TAS1R1: variants seen among roughly 807,000 people sequenced by gnomAD.
TAS1R1 encodes taste 1 receptor member 1, also known as taste receptor type 1 member 1.
A neutral mutation model predicts 45.8 loss-of-function variants in TAS1R1; 31 were observed. That is an observed-to-expected ratio of 0.68 (90% confidence interval 0.51 to 0.91). The LOEUF (loss-of-function observed/expected upper bound fraction) is 0.91, where lower values mean the gene tolerates loss of function less well. TAS1R1 is among the 40% of genes least tolerant of loss of function. The probability of loss-of-function intolerance (pLI) is 0.00; values close to 1 mark genes in which losing one functional copy is unlikely to be tolerated. For missense variants in TAS1R1, 1,051 were observed against 1,063.9 expected (o/e 0.99, Z 0.17); for synonymous variants, 437 against 448.4 (o/e 0.97, Z 0.32).
At chr1:6,560,030 T>C (rs1252774733) in intron 1 of TAS1R1, among the ~76,000 whole-genome samples, 1 of 142,354 alleles carries the variant, frequency 7.0e-6, no homozygotes, top group African/African-American at 2.6e-5. Flanking sequence ...CGGGTGCTAA[T>C]GGCTCACTGT....
Position 6,576,470 on chromosome 1 carries a change from T to A in TAS1R1, c.1316T>A (p.Phe439Tyr). The change falls in exon 4 of 6, where the codon TTT becomes TAT. Residue 439 changes from phenylalanine to tyrosine, a missense_variant. Coordinates refer to ENST00000333172, the MANE Select transcript of TAS1R1 (RefSeq NM_138697.4). ...HFLLHKDTVA[F>Y]NDNRDPLSSY... The stretch of plus-strand genomic sequence containing the variant: ...CTTCTACACAAGGACACTGTGGCGT[T>A]TAATGACAACAGAGATCCCCTCAGT... 6.2e-7 allele frequency: 1 copy of A among 1,614,194 alleles called. No homozygotes were observed. The highest frequency in any genetic ancestry group is 8.5e-7 in the Non-Finnish European group (1 of 1,180,036).
At position 6,578,859 on chromosome 1, in the gene TAS1R1, GGGGGCCGC is replaced by G. The variant is rs1313635065; in HGVS notation, c.1802_1809del (p.Gly601AlafsTer13). The stretch of plus-strand genomic sequence containing the variant: ...AGACACCCCTGTGGTGAGGTCAGCA[GGGGGCCGC>G]CTGTGCTTTCTTATGCTGGGCTCCC... On this transcript the variant is annotated frameshift_variant, in exon 6 of 6. Coordinates refer to ENST00000333172, the MANE Select transcript of TAS1R1 (RefSeq NM_138697.4). LOFTEE classifies it low-confidence loss of function (END_TRUNC). 6.2e-7 allele frequency: 1 copy of G among 1,609,580 alleles called. No individual in the cohort carries two copies. The highest frequency in any genetic ancestry group is 8.5e-7 in the Non-Finnish European group (1 of 1,176,782).
chr1:6,579,054 G>T lies in TAS1R1; in HGVS notation c.1996G>T (p.Val666Leu), dbSNP rs771816884. The T allele has an allele frequency of 1.2e-6, 2 of 1,613,144 alleles. No homozygotes were observed. Among genetic ancestry groups the T allele is most frequent in the South Asian group, 1.1e-5 (1 of 91,060 alleles). Residue 666 changes from valine to leucine, a missense_variant, in exon 6 of 6, where the codon GTA (valine) becomes TTA (leucine). Transcript: ENST00000333172. ...CATCATCTTCAAGTTTTCCACCAAG[G>T]TACCTACATTCTACCACGCCTGGGT... ...LIIIFKFSTK[V>L]PTFYHAWVQN...
rs745439007 is a variant in TAS1R1 at position 6,578,782 on chromosome 1, CGCTGCTGCT to C, written c.1737_1745del (p.Leu580_Leu582del). ...TCTTGGGTGCTGCTGGCAGCTAACA[CGCTGCTGCT>C]GCTGCTGCTGCTTGGGACTGCTGGC... On this transcript the variant is annotated inframe_deletion, in exon 6 of 6. Coordinates refer to ENST00000333172, the MANE Select transcript of TAS1R1 (RefSeq NM_138697.4). 1.2e-5 allele frequency: 20 copies of C among 1,612,436 alleles called. No individual in the cohort carries two copies. The highest frequency in any genetic ancestry group is 2.7e-5 in the African/African-American group (2 of 74,890).
At chr1:6,571,938 T>A (rs959675296) in intron 2 of TAS1R1, among the ~76,000 whole-genome samples, 1 of 152,176 alleles carries the variant, frequency 6.6e-6, no homozygotes, top group Non-Finnish European at 1.5e-5. Context: ...GGTGCTGACA[T>A]GCCTCACCTT....
chr1:6,555,873 T>TTTTTTTC, intron 1 of TAS1R1, among the ~76,000 whole-genome samples: 1 of 84,828 alleles, frequency 1.2e-5, no homozygotes, highest in Admixed American at 1.1e-4. Context: ...CTTCTTTTTT[T>TTTTTTTC]TTTTTTTTTT....
At chr1:6,570,387 G>T (rs1284933957) in intron 1 of TAS1R1, among the ~76,000 whole-genome samples, 1 of 150,616 alleles carries the variant, frequency 6.6e-6, no homozygotes, top group Non-Finnish European at 1.5e-5. Context: ...AAAACAAAGC[G>T]AGGGGAACAT....
rs770720149 is a variant in TAS1R1 at position 6,576,545 on chromosome 1, C to T, written c.1391C>T (p.Thr464Met). ...TGGAATGGACCCAAGTGGACCTTCA[C>T]GGTCCTCGGTTCCTCCACATGGTCT... ...WDWNGPKWTF[T>M]VLGSSTWSPV... The change falls in exon 4 of 6, where the codon ACG becomes ATG. Residue 464 changes from threonine (T) to methionine (M), a missense_variant. Coordinates refer to ENST00000333172, the MANE Select transcript of TAS1R1 (RefSeq NM_138697.4). The T allele has an allele frequency of 1.5e-4, 249 of 1,614,148 alleles. No individual in the cohort carries two copies. The highest frequency in any genetic ancestry group is 2.0e-4 in the Non-Finnish European group (238 of 1,180,054).
At position 6,579,684 on chromosome 1, in the gene TAS1R1, G is replaced by A; in HGVS notation, c.*100G>A. 6.8e-7 allele frequency: 1 copy of A among 1,475,396 alleles called. No individual in the cohort carries two copies. Among genetic ancestry groups the A allele is most frequent in the Non-Finnish European group, 8.9e-7 (1 of 1,118,998 alleles). 91.4% of individuals were successfully genotyped at this position (1,475,396 alleles called of 1,614,324 possible). A position where few individuals can be genotyped will look rare whatever the true frequency, so the allele number is the denominator to read the frequency against. On this transcript the variant is annotated 3_prime_UTR_variant, in exon 6 of 6. Coordinates refer to ENST00000333172, the MANE Select transcript of TAS1R1 (RefSeq NM_138697.4). ...GGGAGGTCTTTGGGCATCGCGGTCTGGGGTTGGGACGTGTAAGCGCCTGGG... is the reference window on the plus strand; with the variant it reads ...GGGAGGTCTTTGGGCATCGCGGTCTAGGGTTGGGACGTGTAAGCGCCTGGG...
intron 1 of TAS1R1, among the ~76,000 whole-genome samples, chr1:6,566,819 T>C (rs1390198365): frequency 6.6e-6 from 1 of 152,164 alleles, no homozygotes; most frequent in Non-Finnish European, 1.5e-5. Context: ...ATGGTCTTGA[T>C]CTCCTGACCT....
At chr1:6,564,844 C>T (rs1334968561) in intron 1 of TAS1R1, among the ~76,000 whole-genome samples, 1 of 152,172 alleles carries the variant, frequency 6.6e-6, no homozygotes, top group African/African-American at 2.4e-5. Context: ...GTCCTCTTGA[C>T]GGGAGGCAAG....
rs563392776 is a variant in TAS1R1 at position 6,575,067 on chromosome 1, T to C, written c.935T>C (p.Val312Ala). The C allele has an allele frequency of 6.3e-7, 1 of 1,588,526 alleles. No homozygotes were observed. The highest frequency in any genetic ancestry group is 8.6e-7 in the Non-Finnish European group (1 of 1,166,438). ...GCCCTCTCCAGGCACATCACTGGGG[T>C]GCCCGGGATCCAGCGCATTGGGATG... ...AWALSRHITG[V>A]PGIQRIGMVL... Residue 312 changes from valine to alanine, a missense_variant, in exon 3 of 6, where the codon GTG (valine) becomes GCG (alanine). By Grantham distance (64) the Val-to-Ala change is moderately conservative (BLOSUM62 0). Transcript: ENST00000333172.
At chr1:6,557,703 T>C (rs903353721) in intron 1 of TAS1R1, among the ~76,000 whole-genome samples, 2 of 152,274 alleles carry the variant, frequency 1.3e-5, no homozygotes, top group African/African-American at 2.4e-5. Context: ...TCCCACAGCA[T>C]TGGGATTCTA....
intron 4 of TAS1R1, 100 bp downstream of exon 4, chr1:6,576,727 C>G (rs1445310724): frequency 3.4e-6 from 5 of 1,458,726 alleles, no homozygotes; most frequent in Middle Eastern, 2.4e-4. Flanking sequence ...AGGGGGGCCC[C>G]AGGGGTCCAG....
At chr1:6,558,090 A>T (rs1639718473) in intron 1 of TAS1R1, among the ~76,000 whole-genome samples, 1 of 146,522 alleles carries the variant, frequency 6.8e-6, no homozygotes, top group African/African-American at 2.6e-5. Context: ...TCTTTTGCTC[A>T]TACTGGAGTC....
At chr1:6,558,041 TGTTTTTG>T (rs1426257512) in intron 1 of TAS1R1, among the ~76,000 whole-genome samples, 17 of 141,394 alleles carry the variant, frequency 1.2e-4, no homozygotes, top group African/African-American at 1.3e-4. Context: ...GGTTAGTTTT[TGTTTTTG>T]TTTTTGTTTT....
At position 6,579,003 on chromosome 1, in the gene TAS1R1, C is replaced by T. The variant is rs1640284211; in HGVS notation, c.1945C>T (p.Leu649=). 1 of 1,614,038 alleles carries T rather than the reference C, an allele frequency of 6.2e-7. No homozygotes were observed. The highest frequency in any genetic ancestry group is 1.7e-5 in the Admixed American group (1 of 60,014). ...ALGFTIFLSC[L]TVRSFQLIII... The stretch of plus-strand genomic sequence containing the variant: ...TGGTTTCACCATCTTCCTGTCCTGC[C>T]TGACAGTTCGCTCATTCCAACTAAT... The change falls in exon 6 of 6, where the codon CTG becomes TTG. Residue 649 remains leucine (L), a synonymous_variant. Coordinates refer to ENST00000333172, the MANE Select transcript of TAS1R1 (RefSeq NM_138697.4).
At chr1:6,569,840 G>T (rs539218079) in intron 1 of TAS1R1, among the ~76,000 whole-genome samples, 42 of 152,258 alleles carry the variant, frequency 2.8e-4, no homozygotes, top group African/African-American at 9.6e-4. Context: ...AATGGCAGGA[G>T]TCTCTTTTAC....
chr1:6,576,676 A>G, intron 4 of TAS1R1, 49 bp downstream of exon 4: 1 of 1,596,260 alleles, frequency 6.3e-7, no homozygotes. Flanking sequence ...TGGGCAACCT[A>G]GAGCCTGGGG....
Sources: gnomAD v4.1 joint callset for allele counts (sites outside exome capture counted in the v4.1 genomes callset) on GRCh38, gnomAD v4.1.1 for gene constraint, MANE v1.5 for transcripts, NCBI Gene and HGNC (gene_info 2026-07-23, HGNC 2026-07-21) for gene names.